BACH2: variants seen among roughly 807,000 people sequenced by gnomAD.
BACH2 encodes the protein transcription regulator protein BACH2.
BACH2 carries 5 observed loss-of-function variants against 61.8 expected under a neutral mutation model. The observed-to-expected ratio is 0.08, with a 90% CI of 0.04 to 0.17. The LOEUF is 0.17. Ranked by LOEUF, BACH2 falls within the 10% of genes least tolerant of loss-of-function variation. The pLI is 1.00. For synonymous variants in BACH2, 446 were observed against 440.1 expected, an observed-to-expected ratio of 1.01 and a Z score of -0.17; for missense variants, 824 against 1,091.1, an observed-to-expected ratio of 0.76 and a Z score of 3.45.
intron 5 of BACH2, among the ~76,000 whole-genome samples, chr6:90,010,785 A>T (rs943325931): frequency 6.6e-6 from 1 of 152,220 alleles, no homozygotes; most frequent in African/African-American, 2.4e-5. Flanking sequence ...TGGACATTGT[A>T]ATAGGTCTAT....
chr6:90,032,920 G>C (rs1318654948), intron 5 of BACH2, among the ~76,000 whole-genome samples: 3 of 151,966 alleles, frequency 2.0e-5, no homozygotes, highest in Non-Finnish European at 4.4e-5. Context: ...ATGTTTATTG[G>C]GGCACTATTC....
rs1429676348 is a variant in BACH2 at position 90,014,436 on chromosome 6, GTGTGTATATATA to G, written c.-12-5592_-12-5581del. ...GGCATAAAATTGTGTGTGTGTGTGT[GTGTGTATATATA>G]TATATATATATATATATATATTTTT... On this transcript the variant is annotated intron_variant, in intron 5 of 8. Transcript: ENST00000257749. Among the ~76,000 whole-genome samples the G allele has an allele frequency of 1.2e-4, 8 of 65,964 alleles. No homozygotes were observed. The East Asian group carries it at 1.5e-3, about 13-fold the overall frequency. 43.3% of individuals were successfully genotyped at this position (65,964 alleles called of 152,430 possible).
chr6:90,118,182 A>G (rs1032696321), intron 4 of BACH2, among the ~76,000 whole-genome samples: 4 of 152,232 alleles, frequency 2.6e-5, no homozygotes, highest in African/African-American at 9.6e-5. Flanking sequence ...GACATCCTTC[A>G]GGAATGTCAT....
chr6:90,167,114 C>CCAA (rs1302593661), intron 4 of BACH2, among the ~76,000 whole-genome samples: 1 of 152,062 alleles, frequency 6.6e-6, no homozygotes, highest in Non-Finnish European at 1.5e-5. Context: ...GTCTGTTTGA[C>CCAA]CCTCACAGTA....
chr6:90,101,546 C>T (rs1582360063), intron 4 of BACH2, among the ~76,000 whole-genome samples: 2 of 152,136 alleles, frequency 1.3e-5, no homozygotes, highest in Admixed American at 6.5e-5. Context: ...TTTGAGCATA[C>T]GTGTACTGTA....
intron 6 of BACH2, among the ~76,000 whole-genome samples, chr6:89,996,784 T>C (rs1167160929): frequency 6.6e-6 from 1 of 152,198 alleles, no homozygotes; most frequent in Non-Finnish European, 1.5e-5. Flanking sequence ...CCATCTACAA[T>C]GAATACTCTT....
At chr6:90,251,017 A>G (rs1158951309) in intron 3 of BACH2, among the ~76,000 whole-genome samples, 1 of 152,240 alleles carries the variant, frequency 6.6e-6, no homozygotes, top group Non-Finnish European at 1.5e-5. Flanking sequence ...GCTGAGATAT[A>G]GGCCCAAGTA....
chr6:90,286,634 A>G (rs1226133989), intron 1 of BACH2, among the ~76,000 whole-genome samples: 2 of 152,244 alleles, frequency 1.3e-5, no homozygotes, highest in Non-Finnish European at 2.9e-5. Context: ...GTCTAACTAC[A>G]GGAGGATGAA....
intron 6 of BACH2, among the ~76,000 whole-genome samples, chr6:89,978,971 G>C (rs989630674): frequency 6.6e-6 from 1 of 152,116 alleles, no homozygotes; most frequent in Non-Finnish European, 1.5e-5. Context: ...AGAAAGAGCC[G>C]CTAGCTCATT....
At chr6:90,067,167 G>T (rs1221397164) in intron 5 of BACH2, among the ~76,000 whole-genome samples, 5 of 152,128 alleles carry the variant, frequency 3.3e-5, no homozygotes, top group Non-Finnish European at 5.9e-5. Context: ...GTGGTCTGGT[G>T]GCAAAAAATG....
chr6:90,054,125 C>G (rs1322297110), intron 5 of BACH2, among the ~76,000 whole-genome samples: 1 of 152,180 alleles, frequency 6.6e-6, no homozygotes, highest in Non-Finnish European at 1.5e-5. Flanking sequence ...AGGTGCAGGA[C>G]AGTGGGTGCA....
intron 3 of BACH2, among the ~76,000 whole-genome samples, chr6:90,241,898 G>A (rs1770466950): frequency 6.7e-6 from 1 of 149,976 alleles, no homozygotes; most frequent in African/African-American, 2.4e-5. Context: ...TTGGAGTATT[G>A]TTTTTTTATT....
At chr6:90,285,946 G>A (rs944131546) in intron 1 of BACH2, among the ~76,000 whole-genome samples, 4 of 152,146 alleles carry the variant, frequency 2.6e-5, no homozygotes, top group East Asian at 3.8e-4. Context: ...ACCTCTCTAC[G>A]CTTGCAGTTT....
intron 3 of BACH2, among the ~76,000 whole-genome samples, chr6:90,222,835 T>C (rs1769780090): frequency 6.6e-6 from 1 of 152,114 alleles, no homozygotes. Context: ...CTTAGTCAAC[T>C]GCTCTGTCCT....
At chr6:90,218,505 TC>T (rs1311175017) in intron 3 of BACH2, among the ~76,000 whole-genome samples, 1 of 145,788 alleles carries the variant, frequency 6.9e-6, no homozygotes, top group African/African-American at 2.4e-5. Context: ...TTCTTTTCTT[TC>T]TTTTTTTTTT....
In BACH2 at chr6:89,932,388, T is replaced by G. The variant is rs73752855; in HGVS notation, c.*20A>C. 403 of 1,600,594 alleles carry G rather than the reference T, an allele frequency of 2.5e-4. 1 individual carries two copies. The African/African-American group carries it at 4.7e-3, about 19-fold the overall frequency. The stretch of plus-strand genomic sequence containing the variant: ...GCCTGGATGGGAGAGGTGTGCGGAC[T>G]GGGAGGCAGAGCCGAGTCACTAGGT... On this transcript the variant is annotated 3_prime_UTR_variant, in exon 9 of 9. Coordinates refer to ENST00000257749, the MANE Select transcript of BACH2 (RefSeq NM_021813.4).
chr6:90,058,635 T>C (rs1780503723), intron 5 of BACH2, among the ~76,000 whole-genome samples: 3 of 152,066 alleles, frequency 2.0e-5, no homozygotes, highest in Admixed American at 1.3e-4. Context: ...TTCAAGTTCA[T>C]ATGGAACCAA....
At chr6:90,147,124 T>G (rs141375231) in intron 4 of BACH2, among the ~76,000 whole-genome samples, 230 of 152,254 alleles carry the variant, frequency 1.5e-3, no homozygotes, top group Admixed American at 2.9e-3. Context: ...TAACTTGCTA[T>G]ATGCAATATT....
chr6:90,104,332 A>C (rs1562446958), intron 4 of BACH2: 1 of 152,190 alleles, frequency 6.6e-6, no homozygotes, highest in Non-Finnish European at 1.5e-5. Context: ...ACTTTACTGA[A>C]ACCTCAACAG....
Sources: gnomAD v4.1 joint callset for allele counts (sites outside exome capture counted in the v4.1 genomes callset) on GRCh38, gnomAD v4.1.1 for gene constraint, MANE v1.5 for transcripts, NCBI Gene and HGNC (gene_info 2026-07-23, HGNC 2026-07-21) for gene names.